CHCHD6: variants seen among roughly 807,000 people sequenced by gnomAD.
The protein encoded by CHCHD6 is MICOS complex subunit MIC25.
Under a neutral mutation model 32.3 loss-of-function variants are expected in CHCHD6, and 28 were observed. The observed-to-expected ratio is 0.87, with a 90% CI of 0.64 to 1.19. The LOEUF is 1.19. Ranked by LOEUF, CHCHD6 falls within the 50% of genes most tolerant of loss-of-function variation. The probability of loss-of-function intolerance (pLI) is 0.00; values close to 1 mark genes in which losing one functional copy is unlikely to be tolerated. For missense variants in CHCHD6, 333 were observed against 307.0 expected, an observed-to-expected ratio of 1.08 and a Z score of -0.63; for synonymous variants, 122 against 117.5, an observed-to-expected ratio of 1.04 and a Z score of -0.25.
At chr3:126,939,534 G>A (rs1293292524) in intron 6 of CHCHD6, among the ~76,000 whole-genome samples, 1 of 152,200 alleles carries the variant, frequency 6.6e-6, no homozygotes, top group Non-Finnish European at 1.5e-5. Flanking sequence ...GATGTGGGGG[G>A]ACACAGTACA....
At chr3:126,950,625 A>C (rs534552612) in intron 6 of CHCHD6, among the ~76,000 whole-genome samples, 1 of 152,076 alleles carries the variant, frequency 6.6e-6, no homozygotes, top group African/African-American at 2.4e-5. Flanking sequence ...TAATTTGTGT[A>C]TTTTTAGTAG....
rs1046149508 is a variant in CHCHD6, at chr3:126,898,336, G to A, written c.496-16344G>A. Among the ~76,000 whole-genome samples the A allele has an allele frequency of 1.2e-4, 18 of 152,326 alleles. No individual in the cohort carries two copies. The East Asian group carries it at 2.3e-3, about 20-fold the overall frequency. On this transcript the variant is annotated intron_variant, in intron 5 of 7. Coordinates refer to ENST00000290913, the MANE Select transcript of CHCHD6 (RefSeq NM_032343.3). ...CTGGGAAGTCATCAGGAATAGACAC[G>A]GTTACTTATTTCCTGAGTAACTGAG...
chr3:126,910,291 A>AAAAAAAAAAC, intron 5 of CHCHD6, among the ~76,000 whole-genome samples: 1 of 150,880 alleles, frequency 6.6e-6, no homozygotes. Flanking sequence ...AAAAAACAAA[A>AAAAAAAAAAC]AAAACAAATC....
At chr3:126,944,353 G>A (rs890877484) in intron 6 of CHCHD6, among the ~76,000 whole-genome samples, 2 of 152,156 alleles carry the variant, frequency 1.3e-5, no homozygotes, top group Non-Finnish European at 2.9e-5. Flanking sequence ...CTGGAAGAAG[G>A]TGGAGCCCCA....
Position 126,938,684 on chromosome 3 carries a change from C to T in CHCHD6, c.567-18732C>T, listed in dbSNP as rs549987539. ...TCCTGTGCTTACTCGAGAGAACACACTTTCTCCTGGGTCTGTGCCCTGGGT... is the reference window on the plus strand; with the variant it reads ...TCCTGTGCTTACTCGAGAGAACACATTTTCTCCTGGGTCTGTGCCCTGGGT... On this transcript the variant is annotated intron_variant, in intron 6 of 7. Coordinates refer to ENST00000290913, the MANE Select transcript of CHCHD6 (RefSeq NM_032343.3). 4.6e-5 allele frequency among the ~76,000 whole-genome samples: 7 copies of T among 152,136 alleles called. 1 individual carries two copies. Among genetic ancestry groups the T allele is most frequent in the South Asian group, 2.1e-4 (1 of 4,816 alleles).
rs138606569 is a variant in CHCHD6 at position 126,784,346 on chromosome 3, T to C, written c.411+51124T>C. Among the ~76,000 whole-genome samples the C allele has an allele frequency of 4.3e-4, 66 of 152,280 alleles. No individual in the cohort carries two copies. The East Asian group carries it at 0.012, about 27-fold the overall frequency. ...CAATGCATTCTGAAAACTTCCCTGT[T>C]CTCAGCCCAGCAGCCTCTTCCTGTT... On this transcript the variant is annotated intron_variant, in intron 4 of 7. Coordinates refer to ENST00000290913, the MANE Select transcript of CHCHD6 (RefSeq NM_032343.3).
At chr3:126,805,242 G>A (rs1021606711) in intron 4 of CHCHD6, among the ~76,000 whole-genome samples, 1 of 152,170 alleles carries the variant, frequency 6.6e-6, no homozygotes, top group African/African-American at 2.4e-5. Context: ...ATTCAGTTAG[G>A]AAAAGAGGAA....
intron 4 of CHCHD6, among the ~76,000 whole-genome samples, chr3:126,831,341 A>G (rs1425324930): frequency 6.6e-6 from 1 of 152,114 alleles, no homozygotes; most frequent in Non-Finnish European, 1.5e-5. Flanking sequence ...GCCAGCCTTT[A>G]ACTAGCGTGC....
At chr3:126,939,138 G>A (rs2078523043) in intron 6 of CHCHD6, among the ~76,000 whole-genome samples, 1 of 152,142 alleles carries the variant, frequency 6.6e-6, no homozygotes, top group South Asian at 2.1e-4. Context: ...AGGAGAGTAA[G>A]GTTCCAGTTC....
intron 4 of CHCHD6, among the ~76,000 whole-genome samples, chr3:126,745,075 C>T (rs1936437185): frequency 6.6e-6 from 1 of 152,140 alleles, no homozygotes; most frequent in Non-Finnish European, 1.5e-5. Flanking sequence ...GGACACTCTT[C>T]CCTGGGATTC....
At chr3:126,804,467 A>C (rs1939251814) in intron 4 of CHCHD6, among the ~76,000 whole-genome samples, 1 of 152,228 alleles carries the variant, frequency 6.6e-6, no homozygotes, top group Non-Finnish European at 1.5e-5. Flanking sequence ...ATCTAGAAGA[A>C]ATGGATAAAT....
intron 5 of CHCHD6, chr3:126,865,662 A>T: frequency 1.0e-6 from 1 of 982,412 alleles, no homozygotes; most frequent in Non-Finnish European, 1.2e-6. Context: ...TACTATTATC[A>T]CCTCCCTCAC....
intron 5 of CHCHD6, among the ~76,000 whole-genome samples, chr3:126,863,335 T>A (rs745621458): frequency 4.4e-3 from 162 of 36,924 alleles, no homozygotes; most frequent in Middle Eastern, 0.029. Flanking sequence ...CTCCTCCTCC[T>A]CCATCACCTC....
At chr3:126,841,805 C>A (rs1408114116) in intron 4 of CHCHD6, among the ~76,000 whole-genome samples, 1 of 151,980 alleles carries the variant, frequency 6.6e-6, no homozygotes, top group Non-Finnish European at 1.5e-5. Flanking sequence ...ATCCCAGCTA[C>A]TAGGAGGCTG....
At chr3:126,823,489 G>A (rs1049533406) in intron 4 of CHCHD6, among the ~76,000 whole-genome samples, 1 of 152,080 alleles carries the variant, frequency 6.6e-6, no homozygotes, top group African/African-American at 2.4e-5. Flanking sequence ...ATTTTTGGAT[G>A]CTAATGAAAA....
chr3:126,878,999 G>A (rs1419498269), intron 5 of CHCHD6, among the ~76,000 whole-genome samples: 2 of 152,246 alleles, frequency 1.3e-5, no homozygotes, highest in East Asian at 1.9e-4. Flanking sequence ...GCTTGTGGCA[G>A]TGGATGCTGG....
chr3:126,904,133 C>G (rs570198885), intron 5 of CHCHD6, among the ~76,000 whole-genome samples: 4 of 152,158 alleles, frequency 2.6e-5, no homozygotes, highest in Non-Finnish European at 5.9e-5. Context: ...TTCTTATATA[C>G]CAAAACACAA....
rs114147964 is a variant in CHCHD6 at position 126,785,490 on chromosome 3, A to G, written c.411+52268A>G. 8.7e-3 allele frequency among the ~76,000 whole-genome samples: 1,332 copies of G among 152,344 alleles called. 18 individuals are homozygous for G. The highest frequency in any genetic ancestry group is 0.03 in the African/African-American group (1,268 of 41,578). ...AGTCAAGGGAGAGCATAACACAGTG[A>G]TGTGAATACCAGAAGGGGATCTTTG... On this transcript the variant is annotated intron_variant, in intron 4 of 7. Coordinates refer to ENST00000290913, the MANE Select transcript of CHCHD6 (RefSeq NM_032343.3).
intron 4 of CHCHD6, among the ~76,000 whole-genome samples, chr3:126,737,813 G>T (rs758847582): frequency 6.6e-6 from 1 of 151,994 alleles, no homozygotes; most frequent in Non-Finnish European, 1.5e-5. Context: ...ATTATAGGAA[G>T]CGGCAGGGTG....
Sources: allele counts gnomAD v4.1 joint callset (sites outside exome capture counted in the v4.1 genomes callset), GRCh38; gene constraint gnomAD v4.1.1; transcripts MANE v1.5; gene names NCBI Gene and HGNC (gene_info 2026-07-23, HGNC 2026-07-21).